KCNQ1: variants seen among roughly 807,000 people sequenced by gnomAD.
KCNQ1 encodes potassium voltage-gated channel subfamily Q member 1, also known as potassium voltage-gated channel subfamily KQT member 1.
In KCNQ1, 49 loss-of-function variants were observed where a neutral mutation model predicts 72.4. The ratio of observed to expected loss-of-function variants is 0.68; its 90% confidence interval spans 0.54 to 0.86. The LOEUF (loss-of-function observed/expected upper bound fraction) is 0.86. Among genes scored for constraint, KCNQ1 ranks in the 40% least tolerant of loss-of-function variants. The pLI is 0.00. For missense variants in KCNQ1, 790 were observed against 945.1 expected (o/e 0.84, Z 2.15); for synonymous variants, 450 against 412.6 (o/e 1.09, Z -1.10).
chr11:2,783,731 G>C lies in KCNQ1; in HGVS notation c.1794+5694G>C, dbSNP rs1342763085. ...TGGTATCTCATTGTGGTTTTGATTTGCATTTCCCTAATGACTAATGATGTT... is the reference window on the plus strand; with the variant it reads ...TGGTATCTCATTGTGGTTTTGATTTCCATTTCCCTAATGACTAATGATGTT... On this transcript the variant is annotated intron_variant, in intron 15 of 15. Transcript: ENST00000155840. The surrounding 1 kb of genome is among the most constrained non-coding windows in gnomAD (Gnocchi z 5.2). Among the ~76,000 whole-genome samples the C allele has an allele frequency of 6.6e-6, 1 of 151,940 alleles. No homozygotes were observed. The highest frequency in any genetic ancestry group is 1.5e-5 in the Non-Finnish European group (1 of 67,896).
intron 10 of KCNQ1, chr11:2,630,449 C>G (rs1849334747): frequency 2.5e-6 from 1 of 398,198 alleles, no homozygotes; most frequent in African/African-American, 2.1e-5. Flanking sequence ...ATTGTTCCCT[C>G]TTTGTTTGGG....
intron 1 of KCNQ1, among the ~76,000 whole-genome samples, chr11:2,489,530 T>G (rs1427596857): frequency 7.0e-6 from 1 of 142,130 alleles, no homozygotes; most frequent in Admixed American, 7.0e-5. Flanking sequence ...TCAGAGCCAG[T>G]GGATGTGGGG....
Position 2,642,237 on chromosome 11 carries a change from T to C in KCNQ1, c.1394-19724T>C. 1 of 398,440 alleles carries C rather than the reference T, an allele frequency of 2.5e-6. No homozygotes were observed. The highest frequency in any genetic ancestry group is 4.4e-6 in the Non-Finnish European group (1 of 225,962). 24.7% of individuals were successfully genotyped at this position (398,440 alleles called of 1,614,324 possible). ...ATGGTCATTTTAATTTTGTTAATTC[T>C]CCCAATCCATGAGAATGGGATGTTT... is the stretch of plus-strand genomic sequence containing the variant. On this transcript the variant is annotated intron_variant, in intron 10 of 15. Coordinates refer to ENST00000155840, the MANE Select transcript of KCNQ1 (RefSeq NM_000218.3). The surrounding 1 kb of genome is among the most constrained non-coding windows in gnomAD (Gnocchi z 4.3).
chr11:2,824,923 C>T lies in KCNQ1; in HGVS notation c.1795-22844C>T, dbSNP rs553804378. 3.3e-5 allele frequency among the ~76,000 whole-genome samples: 5 copies of T among 152,234 alleles called. No homozygotes were observed. Among genetic ancestry groups the T allele is most frequent in the African/African-American group, 4.8e-5 (2 of 41,466 alleles). ...GCACAGAGCAGGTTCCCAGTGAGTT[C>T]TGGGGCCTCAGTGACTGGGCAAGGA... is the stretch of plus-strand genomic sequence containing the variant. On this transcript the variant is annotated intron_variant, in intron 15 of 15. Transcript: ENST00000155840. The surrounding 1 kb of genome is among the most constrained non-coding windows in gnomAD (Gnocchi z 5.9).
chr11:2,699,927 G>A (rs3782064), intron 11 of KCNQ1: 5,705 of 398,412 alleles, frequency 0.014, 193 homozygotes, highest in East Asian at 0.095. Flanking sequence ...GCGCTGAGGG[G>A]CGCCCTGGCA....
rs1222252892 is a variant in KCNQ1 at position 2,725,787 on chromosome 11, G to A, written c.1515-43057G>A. 6.5e-5 allele frequency among the ~76,000 whole-genome samples: 4 copies of A among 61,458 alleles called. No individual in the cohort carries two copies. The highest frequency in any genetic ancestry group is 1.9e-4 in the African/African-American group (3 of 15,534). 40.3% of individuals were successfully genotyped at this position (61,458 alleles called of 152,430 possible). ...GCTATCTCCCCCAGGCCCCACCCCCGCCCCCACCCAAAGCACAGGTCACCT... is the reference window on the plus strand; with the variant it reads ...GCTATCTCCCCCAGGCCCCACCCCCACCCCCACCCAAAGCACAGGTCACCT... On this transcript the variant is annotated intron_variant, in intron 11 of 15. Transcript: ENST00000155840. This position sits in a 1 kb window ranked among gnomAD's most constrained non-coding sequence, Gnocchi z 7.2.
intron 15 of KCNQ1, among the ~76,000 whole-genome samples, chr11:2,845,272 G>A (rs1848302798): frequency 1.3e-5 from 2 of 152,196 alleles, no homozygotes; most frequent in South Asian, 4.1e-4. Context: ...CCCCCATATG[G>A]CAGCTCCGTG....
At chr11:2,561,977 G>A (rs1430334887) in intron 2 of KCNQ1, among the ~76,000 whole-genome samples, 2 of 152,210 alleles carry the variant, frequency 1.3e-5, no homozygotes, top group African/African-American at 2.4e-5. Flanking sequence ...GACTAAGGCT[G>A]CCTCAGGGTG....
At chr11:2,721,273 A>G (rs1362782249) in intron 11 of KCNQ1, among the ~76,000 whole-genome samples, 1 of 152,152 alleles carries the variant, frequency 6.6e-6, no homozygotes, top group African/African-American at 2.4e-5. Flanking sequence ...AAAAGGCAGC[A>G]CTTCGGGGGT....
In KCNQ1 at chr11:2,483,458, T is replaced by G. The variant is rs1258451433; in HGVS notation, c.386+37974T>G. Reference sequence around the variant, plus strand: ...ATTACCGTGAACTCAACTGCAGATCTGATTCAAATCCCGCGTTTTTCTAGC... The same window carrying G: ...ATTACCGTGAACTCAACTGCAGATCGGATTCAAATCCCGCGTTTTTCTAGC... On this transcript the variant is annotated intron_variant, in intron 1 of 15. Transcript: ENST00000155840. The surrounding 1 kb of genome is among the most constrained non-coding windows in gnomAD (Gnocchi z 6.1). Among the ~76,000 whole-genome samples, 1 of 152,172 alleles carries G rather than the reference T, an allele frequency of 6.6e-6. No homozygotes were observed. Among genetic ancestry groups the G allele is most frequent in the Non-Finnish European group, 1.5e-5 (1 of 68,022 alleles).
intron 11 of KCNQ1, among the ~76,000 whole-genome samples, chr11:2,733,774 CCACACACACA>C (rs144399150): frequency 1.0e-3 from 60 of 57,558 alleles, no homozygotes; most frequent in African/African-American, 3.1e-3. Context: ...TTCAGGCCTT[CCACACACACA>C]CACACACACA....
chr11:2,635,820 G>A (rs939007531), intron 10 of KCNQ1: 1 of 152,182 alleles, frequency 6.6e-6, no homozygotes, highest in Non-Finnish European at 1.5e-5. Flanking sequence ...CATGAGCATG[G>A]AATGTTCTTC....
At chr11:2,693,619 C>A (rs115180685) in intron 11 of KCNQ1, 2 of 398,644 alleles carry the variant, frequency 5.0e-6, no homozygotes, top group Non-Finnish European at 8.8e-6. Flanking sequence ...ACAAGAGCTT[C>A]GCCCAGCCGT....
At chr11:2,780,306 G>A (rs1846799808) in intron 15 of KCNQ1, among the ~76,000 whole-genome samples, 1 of 152,198 alleles carries the variant, frequency 6.6e-6, no homozygotes, top group Non-Finnish European at 1.5e-5. Flanking sequence ...GCACAGCCTG[G>A]CTCGAGTTTT....
At position 2,674,419 on chromosome 11, in the gene KCNQ1, G is replaced by GCA; in HGVS notation, c.1514+12342_1514+12343dup. Reference sequence around the variant, plus strand: ...TGCGTGTGTGTGTGCGCGCCCGCGCGCACACGACCACAGAGGCTGGGGGGA... The same window carrying GCA: ...TGCGTGTGTGTGTGCGCGCCCGCGCGCACACACGACCACAGAGGCTGGGGGGA... On this transcript the variant is annotated intron_variant, in intron 11 of 15. Coordinates refer to ENST00000155840, the MANE Select transcript of KCNQ1 (RefSeq NM_000218.3). This position sits in a 1 kb window ranked among gnomAD's most constrained non-coding sequence, Gnocchi z 5.9. 1.3e-5 allele frequency: 2 copies of GCA among 159,984 alleles called. No homozygotes were observed. Among genetic ancestry groups the GCA allele is most frequent in the Non-Finnish European group, 2.7e-5 (2 of 75,312 alleles). 9.9% of individuals were successfully genotyped at this position (159,984 alleles called of 1,614,324 possible).
Position 2,797,541 on chromosome 11 carries a change from C to G in KCNQ1, c.1794+19504C>G, listed in dbSNP as rs562911421. Reference sequence around the variant, plus strand: ...AGCCCTGCACCTCCTGGCCACCTGCCCCTGCGTACCCACCACCCTTGCTCC... The same window carrying G: ...AGCCCTGCACCTCCTGGCCACCTGCGCCTGCGTACCCACCACCCTTGCTCC... On this transcript the variant is annotated intron_variant, in intron 15 of 15. Coordinates refer to ENST00000155840, the MANE Select transcript of KCNQ1 (RefSeq NM_000218.3). Among the ~76,000 whole-genome samples, 316 of 152,272 alleles carry G rather than the reference C, an allele frequency of 2.1e-3. 2 individuals carry two copies. The highest frequency in any genetic ancestry group is 7.4e-3 in the African/African-American group (308 of 41,536).
intron 1 of KCNQ1, among the ~76,000 whole-genome samples, chr11:2,460,151 C>G (rs542854344): frequency 6.5e-4 from 99 of 152,284 alleles, no homozygotes; most frequent in African/African-American, 2.4e-3. Flanking sequence ...GGAGATGCAA[C>G]AGGGCCCAGA....
intron 2 of KCNQ1, among the ~76,000 whole-genome samples, chr11:2,528,912 A>C (rs1847558714): frequency 6.6e-6 from 1 of 152,134 alleles, no homozygotes; most frequent in Non-Finnish European, 1.5e-5. Flanking sequence ...TCTCATTTCT[A>C]GGGAGTCCGT....
chr11:2,666,224 C>G (rs890844266), intron 11 of KCNQ1: 3 of 398,576 alleles, frequency 7.5e-6, no homozygotes, highest in Non-Finnish European at 8.8e-6. Flanking sequence ...CAGGGAGCAC[C>G]CGGCCCATTG....
Sources: gnomAD v4.1 joint callset for allele counts (sites outside exome capture counted in the v4.1 genomes callset) on GRCh38, gnomAD v4.1.1 for gene constraint, Gnocchi (gnomAD v3.1) non-coding constraint, MANE v1.5 for transcripts, NCBI Gene and HGNC (gene_info 2026-07-23, HGNC 2026-07-21) for gene names.